NUGGC: variants seen among roughly 807,000 people sequenced by gnomAD.
NUGGC encodes nuclear GTPase SLIP-GC.
A neutral mutation model predicts 92.6 loss-of-function variants in NUGGC; 58 were observed. The observed-to-expected ratio is 0.63, with a 90% CI of 0.51 to 0.78. The LOEUF is 0.78. Ranked by LOEUF, NUGGC falls within the 30% of genes least tolerant of loss-of-function variation. NUGGC has a pLI of 0.00. For missense variants in NUGGC, 925 were observed against 964.6 expected, an observed-to-expected ratio of 0.96 and a Z score of 0.54; for synonymous variants, 376 against 366.4, an observed-to-expected ratio of 1.03 and a Z score of -0.30.
rs1810881545 is a variant in NUGGC at position 28,082,734 on chromosome 8, C to T, written c.-47+1041G>A. 2.6e-5 allele frequency among the ~76,000 whole-genome samples: 4 copies of T among 152,158 alleles called. 1 individual carries two copies. The South Asian group carries it at 8.3e-4, about 32-fold the overall frequency. ...AGCCTTGGCAACAAAGTGAGACCCTCATCTCTACAATTTTTTTTTTAATTA... is the reference window on the plus strand; with the variant it reads ...AGCCTTGGCAACAAAGTGAGACCCTTATCTCTACAATTTTTTTTTTAATTA... On this transcript the variant is annotated intron_variant, in intron 1 of 18. Coordinates refer to ENST00000413272, the MANE Select transcript of NUGGC (RefSeq NM_001010906.2).
chr8:28,061,389 T>C (rs193071545), intron 7 of NUGGC, among the ~76,000 whole-genome samples: 4 of 152,348 alleles, frequency 2.6e-5, no homozygotes, highest in Admixed American at 2.6e-4. Flanking sequence ...CTAATTGTAT[T>C]GTTACTCTTG....
At chr8:28,032,893 CT>C (rs1471167251) in intron 14 of NUGGC, among the ~76,000 whole-genome samples, 1 of 152,038 alleles carries the variant, frequency 6.6e-6, no homozygotes, top group African/African-American at 2.4e-5. Flanking sequence ...GGTGTGGTGG[CT>C]CACACCAGTA....
intron 6 of NUGGC, among the ~76,000 whole-genome samples, chr8:28,066,038 G>GT (rs1810433772): frequency 6.6e-6 from 1 of 152,148 alleles, no homozygotes; most frequent in Non-Finnish European, 1.5e-5. Flanking sequence ...CCCTGAATTT[G>GT]TAAGCCCACT....
At chr8:28,077,509 G>T (rs575073231) in intron 1 of NUGGC, among the ~76,000 whole-genome samples, 7 of 152,172 alleles carry the variant, frequency 4.6e-5, no homozygotes, top group Admixed American at 3.3e-4. Flanking sequence ...CAAGGTTGCA[G>T]TGAGCTATGA....
At chr8:28,026,722 G>A (rs1809270468) in intron 18 of NUGGC, among the ~76,000 whole-genome samples, 1 of 152,108 alleles carries the variant, frequency 6.6e-6, no homozygotes, top group Non-Finnish European at 1.5e-5. Context: ...TATAATGCTT[G>A]CTGTCAGTTG....
intron 1 of NUGGC, among the ~76,000 whole-genome samples, chr8:28,075,273 C>T (rs1810693046): frequency 6.6e-6 from 1 of 152,110 alleles, no homozygotes; most frequent in Non-Finnish European, 1.5e-5. Context: ...AGGAGGACAC[C>T]CCTCCTGGGC....
At chr8:28,027,120 G>A in intron 17 of NUGGC, 68 bp from the exon 18 acceptor site, 2 of 1,267,276 alleles carry the variant, frequency 1.6e-6, no homozygotes, top group Non-Finnish European at 2.3e-6. Flanking sequence ...TTATAAAAGG[G>A]ACCCCACCCA....
At chr8:28,033,431 G>T in intron 14 of NUGGC, 109 bp downstream of exon 14, 2 of 1,087,668 alleles carry the variant, frequency 1.8e-6, no homozygotes, top group Non-Finnish European at 2.6e-6. Context: ...TCCTTCTCCA[G>T]TTACAAGCTA....
chr8:28,056,267 A>G (rs111552892), intron 9 of NUGGC, among the ~76,000 whole-genome samples: 369 of 152,068 alleles, frequency 2.4e-3, no homozygotes, highest in Middle Eastern at 6.8e-3. Flanking sequence ...TCACAAGCTC[A>G]AGAGATCGAG....
At chr8:28,023,789 T>TCC (rs1319746691) in intron 18 of NUGGC, among the ~76,000 whole-genome samples, 2 of 151,890 alleles carry the variant, frequency 1.3e-5, no homozygotes, top group African/African-American at 4.8e-5. Flanking sequence ...CTCCCCCTCT[T>TCC]CCCCCCACCC....
At chr8:28,025,233 T>C (rs1344157942) in intron 18 of NUGGC, among the ~76,000 whole-genome samples, 1 of 152,206 alleles carries the variant, frequency 6.6e-6, no homozygotes, top group African/African-American at 2.4e-5. Flanking sequence ...CTTACACATC[T>C]TGTCTTACCA....
Position 28,023,251 on chromosome 8 carries a change from A to G in NUGGC, c.*66T>C. The G allele has an allele frequency of 1.3e-6, 2 of 1,519,736 alleles. No individual in the cohort carries two copies. The highest frequency in any genetic ancestry group is 1.8e-6 in the Non-Finnish European group (2 of 1,127,464). 94.1% of individuals were successfully genotyped at this position (1,519,736 alleles called of 1,614,324 possible). On this transcript the variant is annotated 3_prime_UTR_variant, in exon 19 of 19. Coordinates refer to ENST00000413272, the MANE Select transcript of NUGGC (RefSeq NM_001010906.2). ...AGATAGATCTTGTCTCTTAAGAACA[A>G]AAAAAGTAATTCTAATTCTCTGGCT...
At position 28,039,256 on chromosome 8, in the gene NUGGC, G is replaced by A. The variant is rs1222164633; in HGVS notation, c.1611+1795C>T. On this transcript the variant is annotated intron_variant, in intron 13 of 18. Coordinates refer to ENST00000413272, the MANE Select transcript of NUGGC (RefSeq NM_001010906.2). ...TAGATTTTTTTTTTTTTTTTGAGAT[G>A]GAGTCTCACTCTGTCACCTCAGCTG... Among the ~76,000 whole-genome samples, 4 of 144,198 alleles carry A rather than the reference G, an allele frequency of 2.8e-5. No individual in the cohort carries two copies. In the East Asian group the frequency reaches 6.0e-4, roughly 22 times the overall value. 94.6% of individuals were successfully genotyped at this position (144,198 alleles called of 152,430 possible).
intron 3 of NUGGC, among the ~76,000 whole-genome samples, chr8:28,069,924 T>C (rs1810544389): frequency 6.6e-6 from 1 of 152,218 alleles, no homozygotes; most frequent in Non-Finnish European, 1.5e-5. Context: ...CAGCCCCTTC[T>C]AGATTTTTCC....
chr8:28,040,934 C>T (rs1163011870), intron 13 of NUGGC, 117 bp downstream of exon 13: 5 of 1,036,814 alleles, frequency 4.8e-6, no homozygotes, highest in East Asian at 2.6e-5. Context: ...CATGAGCCGC[C>T]ATGCCCGGCC....
At position 28,034,917 on chromosome 8, in the gene NUGGC, G is replaced by A. The variant is rs1036072384; in HGVS notation, c.1612-1220C>T. 2.6e-5 allele frequency among the ~76,000 whole-genome samples: 4 copies of A among 152,032 alleles called. No individual in the cohort carries two copies. The South Asian group carries it at 6.2e-4, about 24-fold the overall frequency. On this transcript the variant is annotated intron_variant, in intron 13 of 18. Coordinates refer to ENST00000413272, the MANE Select transcript of NUGGC (RefSeq NM_001010906.2). ...CCTCTCTCTTGTTCTTAGACATTTC[G>A]GTTATTTTCCTATGTTAAATAATGA...
At chr8:28,078,192 A>G (rs1810769052) in intron 1 of NUGGC, among the ~76,000 whole-genome samples, 1 of 152,276 alleles carries the variant, frequency 6.6e-6, no homozygotes, top group African/African-American at 2.4e-5. Flanking sequence ...TGAAATTTGG[A>G]ATCATTGGAA....
At chr8:28,056,947 A>G (rs1810157183) in intron 9 of NUGGC, among the ~76,000 whole-genome samples, 1 of 152,218 alleles carries the variant, frequency 6.6e-6, no homozygotes, top group African/African-American at 2.4e-5. Context: ...ATCCACTTAA[A>G]GCGCCAAACA....
intron 13 of NUGGC, among the ~76,000 whole-genome samples, chr8:28,037,013 G>A (rs1018345326): frequency 1.2e-4 from 19 of 152,188 alleles, no homozygotes; most frequent in South Asian, 2.1e-4. Context: ...GTCTACAGAC[G>A]GTATAATTAC....
Sources: allele counts gnomAD v4.1 joint callset (sites outside exome capture counted in the v4.1 genomes callset), GRCh38; gene constraint gnomAD v4.1.1; transcripts MANE v1.5; gene names NCBI Gene and HGNC (gene_info 2026-07-23, HGNC 2026-07-21).